The following ITGAL variants were observed in gnomAD, a reference collection of about 807,000 sequenced individuals.
ITGAL encodes the protein integrin subunit alpha L, also known as integrin alpha-L.
Under a neutral mutation model 138.4 loss-of-function variants are expected in ITGAL, and 68 were observed. The observed-to-expected ratio is 0.49, with a 90% CI of 0.40 to 0.60. The LOEUF is 0.60. Ranked by LOEUF, ITGAL falls within the 20% of genes least tolerant of loss-of-function variation. ITGAL has a pLI of 0.00. For missense variants in ITGAL, 1,256 were observed against 1,478.6 expected, an observed-to-expected ratio of 0.85 and a Z score of 2.47; for synonymous variants, 561 against 584.3, an observed-to-expected ratio of 0.96 and a Z score of 0.57.
In ITGAL at chr16:30,479,648, CTTTTTTTTTTTTTTTTT is replaced by C. The variant is rs59770529; in HGVS notation, c.576+200_576+216del. 2.3e-4 allele frequency among the ~76,000 whole-genome samples: 17 copies of C among 72,862 alleles called. 1 individual carries two copies. The South Asian group carries it at 0.014, about 59-fold the overall frequency. The allele number at this position is 72,862 out of a possible 152,430, so 47.8% of individuals were successfully genotyped here. A position where few individuals can be genotyped will look rare whatever the true frequency, so the allele number is the denominator to read the frequency against. On this transcript the variant is annotated intron_variant, in intron 6 of 30. Coordinates refer to ENST00000356798, the MANE Select transcript of ITGAL (RefSeq NM_002209.3). ...TAGGAGTCTCTCTAGTTCTCATTTC[CTTTTTTTTTTTTTTTTT>C]TTTTTTTTTTTTGAGATGGAGTTTT...
intron 15 of ITGAL, chr16:30,498,777 T>TCG: frequency 1.8e-5 from 5 of 275,040 alleles, no homozygotes; most frequent in South Asian, 7.3e-5. Context: ...GGCACATGCC[T>TCG]GTGGTCCCAG....
intron 6 of ITGAL, 45 bp from the exon 7 acceptor site, chr16:30,481,394 G>T: frequency 9.6e-6 from 12 of 1,256,502 alleles, no homozygotes; most frequent in Non-Finnish European, 1.3e-5. Flanking sequence ...CAGACAAATG[G>T]AAAGGGATAT....
In ITGAL at chr16:30,494,502, C is replaced by A; in HGVS notation, c.1365+139C>A. 8.9e-7 allele frequency: 1 copy of A among 1,121,098 alleles called. No individual in the cohort carries two copies. The highest frequency in any genetic ancestry group is 1.2e-6 in the Non-Finnish European group (1 of 802,670). The allele number at this position is 1,121,098 out of a possible 1,614,324, so 69.4% of individuals were successfully genotyped here. A position where few individuals can be genotyped will look rare whatever the true frequency, so the allele number is the denominator to read the frequency against. ...ATGATCACATTTATCCCTCATAACACACAGAGGTAAGCCCTGTCATCTCCC... is the reference window on the plus strand; with the variant it reads ...ATGATCACATTTATCCCTCATAACAAACAGAGGTAAGCCCTGTCATCTCCC... On this transcript the variant is annotated intron_variant, in intron 12 of 30. Coordinates refer to ENST00000356798, the MANE Select transcript of ITGAL (RefSeq NM_002209.3). The surrounding 1 kb of genome is among the most constrained non-coding windows in gnomAD (Gnocchi z 4.2).
rs34865749 is a variant in ITGAL, at chr16:30,494,403, C to T, written c.1365+40C>T. ...AGGGCATCTGCAGACCAGGGACTGG[C>T]GGGACACACATCACACTCCCTTCTG... is the stretch of plus-strand genomic sequence containing the variant. On this transcript the variant is annotated intron_variant, in intron 12 of 30. Coordinates refer to ENST00000356798, the MANE Select transcript of ITGAL (RefSeq NM_002209.3). The surrounding 1 kb of genome is among the most constrained non-coding windows in gnomAD (Gnocchi z 4.2). The T allele has an allele frequency of 3.2e-5, 50 of 1,559,556 alleles. No homozygotes were observed. The East Asian group carries it at 9.1e-4, about 28-fold the overall frequency.
In ITGAL at chr16:30,503,543, AAGGG is replaced by A. The variant is rs368137456; in HGVS notation, c.2146-616_2146-613del. Among the ~76,000 whole-genome samples the A allele has an allele frequency of 1.5e-3, 207 of 139,636 alleles. 1 individual carries two copies. The East Asian group carries it at 0.032, about 22-fold the overall frequency. 91.6% of individuals were successfully genotyped at this position (139,636 alleles called of 152,430 possible). On this transcript the variant is annotated intron_variant, in intron 17 of 30. Transcript: ENST00000356798. Reference sequence around the variant, plus strand: ...AGGAAGGACAACGGAGGAAGGAAGGAAGGGAGGGAGGGAGGGAGGCAGGCAAGGA... The same window carrying A: ...AGGAAGGACAACGGAGGAAGGAAGGAAGGGAGGGAGGGAGGCAGGCAAGGA...
At chr16:30,491,325 C>A (rs2151153794) in intron 11 of ITGAL, among the ~76,000 whole-genome samples, 1 of 151,596 alleles carries the variant, frequency 6.6e-6, no homozygotes, top group South Asian at 2.1e-4. Context: ...CTCTTGAACT[C>A]TGGAGGTACA....
intron 9 of ITGAL, among the ~76,000 whole-genome samples, chr16:30,485,288 G>A (rs1340216765): frequency 1.3e-5 from 2 of 151,236 alleles, no homozygotes; most frequent in South Asian, 2.1e-4. Context: ...GTGCAGTGGC[G>A]CAGTCTCTGC....
rs1479517630 is a variant in ITGAL, at chr16:30,483,801, C to T, written c.723-26C>T. 1.9e-6 allele frequency: 3 copies of T among 1,590,570 alleles called. No homozygotes were observed. The South Asian group carries it at 3.3e-5, about 18-fold the overall frequency. ...CTCAGGCCCTAGTTTGGGGGAGTCT[C>T]TCATCTCCTCCTTTCCTGGACACAG... On this transcript the variant is annotated intron_variant, in intron 7 of 30. Transcript: ENST00000356798.
chr16:30,521,205 A>G (rs1016045940), intron 30 of ITGAL, among the ~76,000 whole-genome samples: 2 of 152,058 alleles, frequency 1.3e-5, no homozygotes, highest in African/African-American at 4.8e-5. Flanking sequence ...TCAGGAGTTC[A>G]AGACCAGCCT....
At chr16:30,516,923 G>C (rs2051174411) in intron 25 of ITGAL, 50 bp from the exon 26 acceptor site, 1 of 1,294,044 alleles carries the variant, frequency 7.7e-7, no homozygotes, top group Non-Finnish European at 1.1e-6. Flanking sequence ...CTGGGGGGCA[G>C]CTGGGGTGGC....
intron 11 of ITGAL, among the ~76,000 whole-genome samples, chr16:30,489,979 C>G (rs1326294452): frequency 1.3e-5 from 2 of 151,968 alleles, no homozygotes; most frequent in African/African-American, 2.4e-5. Flanking sequence ...GTAATCCCAG[C>G]ACTTTGGGAG....
intron 6 of ITGAL, among the ~76,000 whole-genome samples, chr16:30,480,261 T>C (rs1023261726): frequency 2.6e-5 from 4 of 152,154 alleles, no homozygotes; most frequent in African/African-American, 9.7e-5. Flanking sequence ...TCTTTTTGCG[T>C]CTTTGCTTCC....
intron 1 of ITGAL, 63 bp from the exon 2 acceptor site, chr16:30,474,133 C>T: frequency 2.3e-6 from 3 of 1,291,052 alleles, no homozygotes; most frequent in Non-Finnish European, 3.3e-6. Flanking sequence ...GATCGGCCAC[C>T]TGCTGGGCAC....
chr16:30,521,636 G>T lies in ITGAL; in HGVS notation c.3484G>T (p.Asp1162Tyr). 6 of 1,614,106 alleles carry T rather than the reference G, an allele frequency of 3.7e-6. No individual in the cohort carries two copies. The highest frequency in any genetic ancestry group is 5.1e-6 in the Non-Finnish European group (6 of 1,180,038). The stretch of plus-strand genomic sequence containing the variant: ...CTGCCTGAAGCCCCTCCATGAGAAG[G>T]ACTCTGAGAGTGGTGGTGGCAAGGA... Reference protein sequence around the residue: ...PGCLKPLHEKDSESGGGKD With the variant: ...PGCLKPLHEKYSESGGGKD The change falls in exon 31 of 31, where the codon GAC becomes TAC. Residue 1162 changes from aspartate to tyrosine, a missense_variant. Physicochemically the swap from Asp to Tyr is radical, Grantham distance 160. Transcript: ENST00000356798.
intron 21 of ITGAL, among the ~76,000 whole-genome samples, chr16:30,507,885 AT>A (rs888471650): frequency 6.6e-6 from 1 of 151,624 alleles, no homozygotes. Context: ...TATTCTTTTT[AT>A]TTTTTTATTT....
chr16:30,474,890 C>T (rs938986725), intron 2 of ITGAL, among the ~76,000 whole-genome samples: 1 of 129,608 alleles, frequency 7.7e-6, no homozygotes, highest in Admixed American at 9.2e-5. Flanking sequence ...GGAGTTTTCG[C>T]TCTTGTCGCC....
chr16:30,517,596 T>G, intron 26 of ITGAL, 53 bp from the exon 27 acceptor site: 2 of 1,475,108 alleles, frequency 1.4e-6, no homozygotes, highest in Non-Finnish European at 1.9e-6. Context: ...GGGATGCCAG[T>G]GTCTTATCTG....
intron 2 of ITGAL, chr16:30,474,542 A>C: frequency 1.9e-6 from 1 of 515,328 alleles, no homozygotes; most frequent in Non-Finnish European, 3.5e-6. Flanking sequence ...GCCCCAAAAC[A>C]CTTCGCATTG....
chr16:30,489,132 G>A lies in ITGAL; in HGVS notation c.1057G>A (p.Gly353Ser), dbSNP rs1359920465. ...TSFNMELSSS[G>S]ISADLSRGHA... is the part of the protein sequence containing the mutation. ...CTTCAACATGGAGCTGTCCTCCAGC[G>A]GCATCAGTGCTGACCTCAGCAGGGT... The change falls in exon 10 of 31, where the codon GGC (glycine) becomes AGC (serine). Residue 353 changes from glycine (G) to serine (S), a missense_variant. Gly to Ser is a moderately conservative substitution (Grantham distance 56). Around this residue, in one of 3 missense-constraint regions of ITGAL, gnomAD observed 177 missense variants for 288.8 expected, o/e 0.61. Transcript: ENST00000356798. 16 of 1,613,918 alleles carry A rather than the reference G, an allele frequency of 9.9e-6. No individual in the cohort carries two copies. Among genetic ancestry groups the A allele is most frequent in the South Asian group, 2.2e-5 (2 of 91,070 alleles).
Sources: allele counts gnomAD v4.1 joint callset (sites outside exome capture counted in the v4.1 genomes callset), GRCh38; gene constraint gnomAD v4.1.1; regional missense constraint gnomAD v4.1.1; non-coding constraint Gnocchi (gnomAD v3.1); transcripts MANE v1.5; gene names NCBI Gene and HGNC (gene_info 2026-07-23, HGNC 2026-07-21).